The following RBFOX2 variants were observed in gnomAD, a reference collection of about 807,000 sequenced individuals.
The protein encoded by RBFOX2 is RNA binding protein fox-1 homolog 2.
A neutral mutation model predicts 49.1 loss-of-function variants in RBFOX2; 10 were observed. The observed-to-expected ratio is 0.20, with a 90% CI of 0.13 to 0.35. The LOEUF (loss-of-function observed/expected upper bound fraction) is 0.35, where lower values mean the gene tolerates loss of function less well. Ranked by LOEUF, RBFOX2 falls within the 10% of genes least tolerant of loss-of-function variation. The pLI is 1.00. For synonymous variants in RBFOX2, 183 were observed against 187.4 expected (o/e 0.98, Z 0.19); for missense variants, 323 against 486.9 (o/e 0.66, Z 3.17).
At chr22:35,977,944 T>C (rs910914402) in intron 1 of RBFOX2, among the ~76,000 whole-genome samples, 2 of 150,174 alleles carry the variant, frequency 1.3e-5, no homozygotes, top group African/African-American at 2.5e-5. Flanking sequence ...ATAAGAGTGG[T>C]TGGGGGTCAG....
At chr22:36,006,945 C>T (rs1362993183) in intron 1 of RBFOX2, among the ~76,000 whole-genome samples, 2 of 152,160 alleles carry the variant, frequency 1.3e-5, no homozygotes, top group Admixed American at 6.5e-5. Context: ...TGAAAGGCTG[C>T]TCCTAAGTCC....
intron 1 of RBFOX2, among the ~76,000 whole-genome samples, chr22:35,864,970 T>TA (rs981361338): frequency 1.3e-5 from 2 of 152,240 alleles, no homozygotes; most frequent in African/African-American, 4.8e-5. Context: ...AGACCTACTT[T>TA]AATCTTAGGT....
At chr22:36,007,323 A>G (rs2058656894) in intron 1 of RBFOX2, among the ~76,000 whole-genome samples, 1 of 151,890 alleles carries the variant, frequency 6.6e-6, no homozygotes, top group South Asian at 2.1e-4. Flanking sequence ...TCCTACATAG[A>G]ATAAACAATG....
chr22:36,023,377 T>C (rs887269063), intron 1 of RBFOX2, among the ~76,000 whole-genome samples: 15 of 152,214 alleles, frequency 9.9e-5, no homozygotes, highest in African/African-American at 3.4e-4. Flanking sequence ...AAGCGGTTAC[T>C]TGGCCATATA....
In RBFOX2 at chr22:35,989,468, T is replaced by C. The variant is rs1603462575; in HGVS notation, c.186+38772A>G. Among the ~76,000 whole-genome samples, 7 of 152,106 alleles carry C rather than the reference T, an allele frequency of 4.6e-5. 1 individual carries two copies. Among genetic ancestry groups the C allele is most frequent in the Admixed American group, 4.6e-4 (7 of 15,274 alleles). On this transcript the variant is annotated intron_variant, in intron 1 of 13. Coordinates refer to the RBFOX2 transcript ENST00000438146. ...AGTCGCAAGGGGGTTAATGGTGATT[T>C]TGGAGAAAAGAGTTTCAATGTTGTG... is the stretch of plus-strand genomic sequence containing the variant.
intron 1 of RBFOX2, among the ~76,000 whole-genome samples, chr22:35,891,924 G>A (rs1438386775): frequency 6.6e-6 from 1 of 151,366 alleles, no homozygotes; most frequent in Non-Finnish European, 1.5e-5. Flanking sequence ...AAGGGCTCCC[G>A]AGCCACGAGT....
intron 9 of RBFOX2, chr22:35,746,800 A>G (rs1932901628): frequency 2.7e-6 from 1 of 374,602 alleles, no homozygotes; most frequent in South Asian, 1.4e-4. Flanking sequence ...GATAGTATTA[A>G]AAGTAAAGTT....
intron 2 of RBFOX2, among the ~76,000 whole-genome samples, chr22:35,793,801 T>C (rs1488383396): frequency 2.0e-5 from 3 of 152,236 alleles, no homozygotes; most frequent in Non-Finnish European, 4.4e-5. Flanking sequence ...TGTTTGGGCA[T>C]TCAAATGTAA....
At chr22:35,930,186 A>G (rs1343106694) in intron 1 of RBFOX2, among the ~76,000 whole-genome samples, 2 of 151,498 alleles carry the variant, frequency 1.3e-5, no homozygotes, top group East Asian at 2.0e-4. Context: ...ATGCCCCACT[A>G]ATTTTTGTAT....
intron 1 of RBFOX2, among the ~76,000 whole-genome samples, chr22:35,913,513 ATATAAT>A (rs970490744): frequency 2.0e-5 from 3 of 150,846 alleles, no homozygotes; most frequent in Admixed American, 6.6e-5. Context: ...GTGTATACAT[ATATAAT>A]TATATCATTA....
chr22:35,953,324 A>G (rs2055171818), intron 1 of RBFOX2, among the ~76,000 whole-genome samples: 1 of 152,164 alleles, frequency 6.6e-6, no homozygotes, highest in Non-Finnish European at 1.5e-5. Context: ...ATTCAGTTAT[A>G]AAAAGGAAAG....
At chr22:35,807,380 T>C (rs1950953986) in intron 2 of RBFOX2, among the ~76,000 whole-genome samples, 1 of 151,774 alleles carries the variant, frequency 6.6e-6, no homozygotes, top group Non-Finnish European at 1.5e-5. Context: ...TCTCAATAAA[T>C]TAAAAAAAAT....
At chr22:35,966,222 C>G (rs567842123), upstream of RBFOX2, among the ~76,000 whole-genome samples, 1 of 152,166 alleles carries the variant, frequency 6.6e-6, no homozygotes, top group Non-Finnish European at 1.5e-5. Flanking sequence ...ATAAATATAT[C>G]ATAATTTACT....
intron 9 of RBFOX2, among the ~76,000 whole-genome samples, chr22:35,752,198 T>C (rs1254424747): frequency 1.3e-5 from 2 of 152,194 alleles, no homozygotes; most frequent in African/African-American, 4.8e-5. Flanking sequence ...GATTCAGAAA[T>C]CCTATTTGTA....
intron 1 of RBFOX2, among the ~76,000 whole-genome samples, chr22:35,947,989 C>T (rs941136516): frequency 6.6e-6 from 1 of 152,206 alleles, no homozygotes; most frequent in Non-Finnish European, 1.5e-5. Flanking sequence ...CACTCACTCA[C>T]TGACTCATCC....
exon 12 of RBFOX2, chr22:35,742,843 C>T (rs1192643988): frequency 1.3e-5 from 2 of 152,506 alleles, no homozygotes; most frequent in Non-Finnish European, 2.9e-5. Context: ...ATCTCAGGGC[C>T]TCTGCATTTT....
At chr22:36,022,924 T>A (rs2059299162) in intron 1 of RBFOX2, among the ~76,000 whole-genome samples, 1 of 152,070 alleles carries the variant, frequency 6.6e-6, no homozygotes, top group Non-Finnish European at 1.5e-5. Flanking sequence ...CTTCCCAGCC[T>A]CCAAAACTGT....
chr22:35,904,120 C>G (rs920643411), intron 1 of RBFOX2, among the ~76,000 whole-genome samples: 1 of 152,108 alleles, frequency 6.6e-6, no homozygotes, highest in Non-Finnish European at 1.5e-5. Context: ...AATCCCTCCT[C>G]GTTCCACCTT....
At chr22:35,778,851 G>A (rs1944511729) in intron 3 of RBFOX2, among the ~76,000 whole-genome samples, 1 of 152,104 alleles carries the variant, frequency 6.6e-6, no homozygotes, top group African/African-American at 2.4e-5. Context: ...TGGCCAGGCT[G>A]GTCTCGAACT....
Sources: allele counts gnomAD v4.1 joint callset (sites outside exome capture counted in the v4.1 genomes callset), GRCh38; gene constraint gnomAD v4.1.1; transcripts MANE v1.5; gene names NCBI Gene and HGNC (gene_info 2026-07-23, HGNC 2026-07-21).